BRAF: variants seen among roughly 807,000 people sequenced by gnomAD.
BRAF encodes B-Raf proto-oncogene, serine/threonine kinase, also known as serine/threonine-protein kinase B-raf.
In BRAF, 16 loss-of-function variants were observed where a neutral mutation model predicts 104.6. The ratio of observed to expected loss-of-function variants is 0.15; its 90% CI spans 0.10 to 0.23. BRAF has a LOEUF of 0.23. Ranked by LOEUF, BRAF falls within the 10% of genes least tolerant of loss-of-function variation. BRAF has a pLI of 1.00. For synonymous variants in BRAF, 310 were observed against 341.6 expected, an observed-to-expected ratio of 0.91 and a Z score of 1.02; for missense variants, 541 against 937.3, an observed-to-expected ratio of 0.58 and a Z score of 5.52.
chr7:140,902,993 C>T (rs992420924), intron 1 of BRAF, among the ~76,000 whole-genome samples: 13 of 146,670 alleles, frequency 8.9e-5, no homozygotes, highest in Admixed American at 2.1e-4. Context: ...GGCATGATCT[C>T]GGCTCACCGC....
intron 14 of BRAF, among the ~76,000 whole-genome samples, chr7:140,759,793 T>C (rs1028650311): frequency 6.6e-6 from 1 of 152,222 alleles, no homozygotes; most frequent in Non-Finnish European, 1.5e-5. Context: ...CAGGAGAATA[T>C]GCCTGAAAGC....
At chr7:140,807,190 A>C (rs1274927620) in intron 5 of BRAF, among the ~76,000 whole-genome samples, 1 of 152,142 alleles carries the variant, frequency 6.6e-6, no homozygotes, top group Non-Finnish European at 1.5e-5. Context: ...AAACCAGACA[A>C]AGAAAAAAGC....
intron 17 of BRAF, among the ~76,000 whole-genome samples, chr7:140,743,428 A>G (rs1797092616): frequency 1.3e-5 from 2 of 152,186 alleles, no homozygotes; most frequent in Non-Finnish European, 2.9e-5. Flanking sequence ...TTGTAGGGAC[A>G]TGGATGAAAC....
At chr7:140,874,532 T>TAAAAAAAAAAAAAAAAAAAAGA (rs71659759) in intron 1 of BRAF, among the ~76,000 whole-genome samples, 1 of 80,898 alleles carries the variant, frequency 1.2e-5, no homozygotes, top group Non-Finnish European at 2.9e-5. Context: ...AGAAAAAAAG[T>TAAAAAAAAAAAAAAAAAAAAGA]AAAAAAAAAA....
At chr7:140,840,755 C>T (rs2129066983) in intron 2 of BRAF, among the ~76,000 whole-genome samples, 1 of 151,482 alleles carries the variant, frequency 6.6e-6, no homozygotes, top group Admixed American at 6.6e-5. Context: ...GGTGCCCCTG[C>T]ATTCCAGCCT....
intron 16 of BRAF, among the ~76,000 whole-genome samples, chr7:140,750,102 T>C (rs1797668947): frequency 1.3e-5 from 2 of 152,366 alleles, no homozygotes; most frequent in South Asian, 4.1e-4. Context: ...AGTCATTGTA[T>C]TGCACAATTA....
At chr7:140,831,021 C>A (rs1418376293) in intron 3 of BRAF, among the ~76,000 whole-genome samples, 24 of 152,210 alleles carry the variant, frequency 1.6e-4, no homozygotes, top group Non-Finnish European at 1.5e-5. Context: ...CAACCTGGAA[C>A]TTGGGACTAG....
rs973741017 is a variant in BRAF, at chr7:140,801,323, C to G, written c.860+89G>C. ...ATAACAATCGTATGGAAGAAAAACC[C>G]TCACAGACTTTTAGACATCGTAGCT... On this transcript the variant is annotated intron_variant, in intron 6 of 19. Coordinates refer to ENST00000644969, the MANE Select transcript of BRAF (RefSeq NM_001374258.1). 9 of 1,466,920 alleles carry G rather than the reference C, an allele frequency of 6.1e-6. No individual in the cohort carries two copies. The African/African-American group carries it at 1.1e-4, about 18-fold the overall frequency. 90.9% of individuals were successfully genotyped at this position (1,466,920 alleles called of 1,614,324 possible). A position where few individuals can be genotyped will look rare whatever the true frequency, so the allele number is the denominator to read the frequency against.
chr7:140,859,494 C>T (rs529807925), intron 1 of BRAF, among the ~76,000 whole-genome samples: 20 of 152,240 alleles, frequency 1.3e-4, no homozygotes, highest in African/African-American at 4.8e-4. Context: ...TTTCACATTA[C>T]ACCAAATGAC....
At chr7:140,730,530 C>T (rs1177630022) in intron 19 of BRAF, 135 bp downstream of exon 18, 1 of 151,998 alleles carries the variant, frequency 6.6e-6, no homozygotes, top group South Asian at 2.1e-4. Flanking sequence ...CCATGCCCAG[C>T]TAATTTTTGT....
chr7:140,908,947 G>T lies in BRAF; in HGVS notation c.138+15619C>A, dbSNP rs551961067. On this transcript the variant is annotated intron_variant, in intron 1 of 19. Transcript: ENST00000644969. ...TTTATTCCTAGAATTTGGCCTGGCA[G>T]CTCCCCACTATCTTTTCAGCTCTGC... 1.2e-4 allele frequency among the ~76,000 whole-genome samples: 16 copies of T among 132,994 alleles called. No homozygotes were observed. The South Asian group carries it at 1.9e-3, about 16-fold the overall frequency. 87.2% of individuals were successfully genotyped at this position (132,994 alleles called of 152,430 possible).
chr7:140,822,747 T>C (rs1261312743), intron 3 of BRAF, among the ~76,000 whole-genome samples: 1 of 152,236 alleles, frequency 6.6e-6, no homozygotes, highest in African/African-American at 2.4e-5. Context: ...TATACAAATC[T>C]TTCTACGAAC....
chr7:140,745,139 TA>T (rs1358463336), intron 17 of BRAF, among the ~76,000 whole-genome samples: 3 of 152,134 alleles, frequency 2.0e-5, no homozygotes, highest in African/African-American at 7.2e-5. Flanking sequence ...GTATGGTTTT[TA>T]GATTTTGATG....
chr7:140,737,235 T>C (rs1194310542), intron 18 of BRAF, among the ~76,000 whole-genome samples: 2 of 152,220 alleles, frequency 1.3e-5, no homozygotes, highest in Non-Finnish European at 2.9e-5. Context: ...TTTTTAGAAG[T>C]ATTTTGAATT....
intron 2 of BRAF, among the ~76,000 whole-genome samples, chr7:140,846,050 C>T (rs1309826757): frequency 6.6e-6 from 1 of 151,956 alleles, no homozygotes; most frequent in African/African-American, 2.4e-5. Flanking sequence ...GAACCCCATG[C>T]GATGCCAGTA....
At chr7:140,743,340 T>C (rs1797084624) in intron 17 of BRAF, among the ~76,000 whole-genome samples, 1 of 151,718 alleles carries the variant, frequency 6.6e-6, no homozygotes, top group African/African-American at 2.4e-5. Context: ...CCATCAATGA[T>C]AGACTGGATT....
In BRAF at chr7:140,801,580, A is replaced by T. The variant is rs1392208810; in HGVS notation, c.712-20T>A. On this transcript the variant is annotated intron_variant, in intron 5 of 19. Transcript: ENST00000644969. ...TCGTACCTGCAAAGTAAAAAATCAC[A>T]GAGATTTCAAAAACTCACAAGAAAA... The T allele has an allele frequency of 1.1e-5, 17 of 1,607,070 alleles. No individual in the cohort carries two copies. The highest frequency in any genetic ancestry group is 1.4e-5 in the Non-Finnish European group (17 of 1,176,398).
chr7:140,778,979 T>C (rs1192185945), intron 12 of BRAF, among the ~76,000 whole-genome samples: 3 of 152,152 alleles, frequency 2.0e-5, no homozygotes, highest in Non-Finnish European at 4.4e-5. Context: ...CTGGAAACGA[T>C]CCAATTGCAA....
chr7:140,834,778 G>A lies in BRAF; in HGVS notation c.335C>T (p.Ser112Phe), dbSNP rs1807139639. 9 of 1,614,180 alleles carry A rather than the reference G, an allele frequency of 5.6e-6. No individual in the cohort carries two copies. Among genetic ancestry groups the A allele is most frequent in the Non-Finnish European group, 7.6e-6 (9 of 1,180,016 alleles). Residue 112 changes from serine to phenylalanine, a missense_variant, in exon 3 of 20, where the codon TCT (serine) becomes TTT (phenylalanine). Ser to Phe is a radical substitution (Grantham distance 155). Around this residue, in one of 10 missense-constraint regions of BRAF, gnomAD observed 86 missense variants for 133.9 expected, o/e 0.64. Coordinates refer to ENST00000644969, the MANE Select transcript of BRAF (RefSeq NM_001374258.1). ...SLGNGTDFSV[S>F]SSASMDTVTS... The stretch of plus-strand genomic sequence containing the variant: ...AACGGTATCCATTGATGCAGAGCTA[G>A]AAACAGAAAAATCAGTTCCGTTCCC...
Sources: gnomAD v4.1 joint callset for allele counts (sites outside exome capture counted in the v4.1 genomes callset) on GRCh38, gnomAD v4.1.1 for gene constraint, gnomAD v4.1.1 regional missense constraint, MANE v1.5 for transcripts, NCBI Gene and HGNC (gene_info 2026-07-23, HGNC 2026-07-21) for gene names.